RB1CC1: variants seen among roughly 807,000 people sequenced by gnomAD.
RB1CC1 encodes the protein RB1 inducible coiled-coil 1, also known as RB1-inducible coiled-coil protein 1.
RB1CC1 carries 46 observed loss-of-function variants against 177.5 expected under a neutral mutation model. That is an observed-to-expected ratio of 0.26 (90% CI 0.20 to 0.33). RB1CC1 has a LOEUF of 0.33. RB1CC1 is among the 10% of genes least tolerant of loss of function. The probability of loss-of-function intolerance (pLI) is 1.00; values close to 1 mark genes in which losing one functional copy is unlikely to be tolerated. For missense variants in RB1CC1, 1,703 were observed against 1,816.3 expected (o/e 0.94, Z 1.13); for synonymous variants, 666 against 613.6 (o/e 1.09, Z -1.26).
Position 52,642,417 on chromosome 8 carries a change from G to C in RB1CC1, c.4271C>G (p.Ser1424Cys). Residue 1424 changes from serine to cysteine, a missense_variant, in exon 18 of 24, where the codon TCC (serine) becomes TGC (cysteine). Ser to Cys is a moderately radical substitution (Grantham distance 112, BLOSUM62 -1). Around this residue, in one of 6 missense-constraint regions of RB1CC1, gnomAD observed 1,169 missense variants for 1,184.7 expected, o/e 0.99. Transcript: ENST00000025008. Reference sequence around the variant, plus strand: ...TCCTTCATCTGCTGTTTCCACAGCGGATCTATCTGATTCACCTGGGAGTTC... The same window carrying C: ...TCCTTCATCTGCTGTTTCCACAGCGCATCTATCTGATTCACCTGGGAGTTC... ...APELPGESDRSAVETADEGRV... is the reference protein window; with the variant it reads ...APELPGESDRCAVETADEGRV... 2 of 1,614,030 alleles carry C rather than the reference G, an allele frequency of 1.2e-6. No individual in the cohort carries two copies. The highest frequency in any genetic ancestry group is 1.1e-5 in the South Asian group (1 of 91,074).
rs1855693493 is a variant in RB1CC1 at position 52,698,669 on chromosome 8, G to GTTTTTTTTTTTTTTTTTTTTTT, written c.-166-11703_-166-11702insAAAAAAAAAAAAAAAAAAAAAA. On this transcript the variant is annotated intron_variant, in intron 1 of 23. Transcript: ENST00000025008. Reference sequence around the variant, plus strand: ...AACAAAAACTGTATATGTAATGGTTGGTTTTTTTTTTTTTTTTTTTTTTTT... The same window carrying GTTTTTTTTTTTTTTTTTTTTTT: ...AACAAAAACTGTATATGTAATGGTTGTTTTTTTTTTTTTTTTTTTTTTGTTTTTTTTTTTTTTTTTTTTTTTT... Among the ~76,000 whole-genome samples, 2 of 22,770 alleles carry GTTTTTTTTTTTTTTTTTTTTTT rather than the reference G, an allele frequency of 8.8e-5. 1 individual carries two copies. Among genetic ancestry groups the GTTTTTTTTTTTTTTTTTTTTTT allele is most frequent in the African/African-American group, 2.7e-4 (2 of 7,330 alleles). 14.9% of individuals were successfully genotyped at this position (22,770 alleles called of 152,430 possible). A position where few individuals can be genotyped will look rare whatever the true frequency, so the allele number is the denominator to read the frequency against.
intron 7 of RB1CC1, among the ~76,000 whole-genome samples, chr8:52,672,402 C>T (rs776594308): frequency 3.3e-5 from 5 of 152,134 alleles, no homozygotes; most frequent in African/African-American, 1.2e-4. Flanking sequence ...TTCAGGTTCG[C>T]TTCATATATA....
At position 52,646,721 on chromosome 8, in the gene RB1CC1, G is replaced by A. The variant is rs1255492317; in HGVS notation, c.3822-854C>T. Among the ~76,000 whole-genome samples, 17 of 152,322 alleles carry A rather than the reference G, an allele frequency of 1.1e-4. No homozygotes were observed. In the East Asian group the frequency reaches 3.3e-3, roughly 29 times the overall value. On this transcript the variant is annotated intron_variant, in intron 15 of 23. Transcript: ENST00000025008. ...TAGGGGTTGCTGACAAAGTGCTAGA[G>A]ATGAGAATAGGACAATGTAAGAAGA...
intron 22 of RB1CC1, among the ~76,000 whole-genome samples, chr8:52,626,191 A>G (rs2150367057): frequency 6.6e-6 from 1 of 152,228 alleles, no homozygotes; most frequent in East Asian, 1.9e-4. Flanking sequence ...CCAAGGCAAC[A>G]ACACAGGGGT....
rs1006658006 is a variant in RB1CC1, at chr8:52,645,976, G to A, written c.3822-109C>T. On this transcript the variant is annotated intron_variant, in intron 15 of 23. Transcript: ENST00000025008. ...TTCCTTAAGCTCAATAATGTAGCAT[G>A]AAAGATATCTGTGTGAACCCTCTCT... is the stretch of plus-strand genomic sequence containing the variant. 9.3e-6 allele frequency: 10 copies of A among 1,071,332 alleles called. No individual in the cohort carries two copies. In the African/African-American group the frequency reaches 1.3e-4, roughly 14 times the overall value. The allele number at this position is 1,071,332 out of a possible 1,614,324, so 66.4% of individuals were successfully genotyped here.
chr8:52,631,077 CCG>C (rs774115943), intron 20 of RB1CC1, among the ~76,000 whole-genome samples: 49 of 152,226 alleles, frequency 3.2e-4, no homozygotes, highest in Non-Finnish European at 6.2e-4. Flanking sequence ...TAAGCTGATC[CCG>C]GTTAGCTTAG....
rs1052979683 is a variant in RB1CC1, at chr8:52,714,388, G to A, written c.-480C>T. 3 of 152,750 alleles carry A rather than the reference G, an allele frequency of 2.0e-5. No individual in the cohort carries two copies. The highest frequency in any genetic ancestry group is 2.9e-5 in the Non-Finnish European group (2 of 68,232). 9.5% of individuals were successfully genotyped at this position (152,750 alleles called of 1,614,324 possible). On this transcript the variant is annotated 5_prime_UTR_variant, in exon 1 of 24. Transcript: ENST00000025008. ...GATTCTGAGGCAACGCCGAGGGCTC[G>A]GCAGGGCCGCGGACACCGCCGCGGC... is the stretch of plus-strand genomic sequence containing the variant.
chr8:52,626,581 C>A (rs1005505246), intron 22 of RB1CC1, among the ~76,000 whole-genome samples: 2 of 152,048 alleles, frequency 1.3e-5, no homozygotes. Context: ...CTATATTAAT[C>A]TTTGCGACGT....
intron 11 of RB1CC1, 33 bp downstream of exon 11, chr8:52,660,893 C>A: frequency 6.4e-7 from 1 of 1,552,338 alleles, no homozygotes; most frequent in Non-Finnish European, 8.8e-7. Context: ...TTATCCTTTA[C>A]AAAAGTAATT....
chr8:52,703,782 G>A (rs891696295), intron 1 of RB1CC1, among the ~76,000 whole-genome samples: 2 of 152,074 alleles, frequency 1.3e-5, no homozygotes, highest in Non-Finnish European at 2.9e-5. Context: ...AAAAATTTTG[G>A]TCATGACATA....
chr8:52,698,563 C>T (rs1173436127), intron 1 of RB1CC1, among the ~76,000 whole-genome samples: 1 of 151,830 alleles, frequency 6.6e-6, no homozygotes, highest in Non-Finnish European at 1.5e-5. Context: ...CCGCCTGCCT[C>T]AGCCTCCCAA....
chr8:52,647,742 T>C (rs1476874768), intron 15 of RB1CC1, among the ~76,000 whole-genome samples: 2 of 152,130 alleles, frequency 1.3e-5, no homozygotes, highest in Non-Finnish European at 2.9e-5. Context: ...GGACAGATAG[T>C]GAACAGTAAA....
At chr8:52,680,967 T>TG (rs1853642917) in intron 5 of RB1CC1, among the ~76,000 whole-genome samples, 1 of 119,316 alleles carries the variant, frequency 8.4e-6, no homozygotes, top group Non-Finnish European at 1.7e-5. Context: ...TTTGTGGGGT[T>TG]TTGTGTGTGT....
chr8:52,667,422 T>C (rs576245800), intron 8 of RB1CC1, among the ~76,000 whole-genome samples: 14 of 152,304 alleles, frequency 9.2e-5, no homozygotes, highest in African/African-American at 3.4e-4. Context: ...GATTATGACA[T>C]TCAACTATTC....
rs1383437289 is a variant in RB1CC1, at chr8:52,657,498, C to T, written c.2331G>A (p.Met777Ile). The T allele has an allele frequency of 6.2e-7, 1 of 1,613,732 alleles. No homozygotes were observed. The highest frequency in any genetic ancestry group is 1.3e-5 in the African/African-American group (1 of 74,932). The change falls in exon 15 of 24, where the codon ATG becomes ATA. Residue 777 changes from methionine to isoleucine, a missense_variant. Around this residue, in one of 6 missense-constraint regions of RB1CC1, gnomAD observed 1,169 missense variants for 1,184.7 expected, o/e 0.99. Transcript: ENST00000025008. ...SVINAIDSRR[M>I]QDTNVCGKED... ...CCTTACCACATACATTTGTATCCTG[C>T]ATTCGTCTACTGTCTATCGCATTGA...
chr8:52,662,424 A>C (rs1851710803), intron 8 of RB1CC1, among the ~76,000 whole-genome samples: 1 of 152,060 alleles, frequency 6.6e-6, no homozygotes, highest in Admixed American at 6.5e-5. Context: ...TCCTTCATTT[A>C]TCTCTCAAGT....
intron 15 of RB1CC1, among the ~76,000 whole-genome samples, chr8:52,650,908 T>G (rs1055127919): frequency 6.6e-6 from 1 of 152,196 alleles, no homozygotes; most frequent in African/African-American, 2.4e-5. Context: ...GAAATCAGTG[T>G]CCCTTCACTT....
At chr8:52,705,362 A>G (rs1591149124) in intron 1 of RB1CC1, among the ~76,000 whole-genome samples, 1 of 152,276 alleles carries the variant, frequency 6.6e-6, no homozygotes, top group Middle Eastern at 3.4e-3. Flanking sequence ...AACTATCTGG[A>G]GGTACATATT....
In RB1CC1 at chr8:52,636,000, A is replaced by T; in HGVS notation, c.4392+15T>A. ...ACATATTAAACATGGTACTTCAAGA[A>T]GATAATTTACTTACTCGTTCTAACA... On this transcript the variant is annotated intron_variant, in intron 19 of 23. Coordinates refer to ENST00000025008, the MANE Select transcript of RB1CC1 (RefSeq NM_014781.5). 6.2e-7 allele frequency: 1 copy of T among 1,604,762 alleles called. No individual in the cohort carries two copies. Among genetic ancestry groups the T allele is most frequent in the Non-Finnish European group, 8.5e-7 (1 of 1,176,978 alleles).
Sources: allele counts gnomAD v4.1 joint callset (sites outside exome capture counted in the v4.1 genomes callset), GRCh38; gene constraint gnomAD v4.1.1; regional missense constraint gnomAD v4.1.1; transcripts MANE v1.5; gene names NCBI Gene and HGNC (gene_info 2026-07-23, HGNC 2026-07-21).